The following EYS variants were observed in gnomAD, a reference collection of about 807,000 sequenced individuals.
EYS encodes the protein protein eyes shut homolog.
A neutral mutation model predicts 282.1 loss-of-function variants in EYS; 250 were observed. The ratio of observed to expected loss-of-function variants is 0.89; its 90% CI spans 0.80 to 0.98. The LOEUF is 0.98. Ranked by LOEUF, EYS falls within the 50% of genes least tolerant of loss-of-function variation. The pLI is 0.00. For missense variants in EYS, 4,016 were observed against 3,709.0 expected, an observed-to-expected ratio of 1.08 and a Z score of -2.15; for synonymous variants, 1,355 against 1,282.9, an observed-to-expected ratio of 1.06 and a Z score of -1.20.
chr6:65,330,424 G>C, intron 11 of EYS: 1 of 984,430 alleles, frequency 1.0e-6, no homozygotes, highest in Non-Finnish European at 1.2e-6. Context: ...TAACATCCCA[G>C]ACTTAGCAAA....
At chr6:64,024,621 C>T (rs932232559) in intron 33 of EYS, among the ~76,000 whole-genome samples, 1 of 152,084 alleles carries the variant, frequency 6.6e-6, no homozygotes, top group Non-Finnish European at 1.5e-5. Context: ...TGGGTCCACA[C>T]TGCCTTTATG....
chr6:64,424,578 C>T (rs6933509), intron 28 of EYS, among the ~76,000 whole-genome samples: 4,334 of 152,294 alleles, frequency 0.028, 193 homozygotes, highest in African/African-American at 0.099. Context: ...TTTAAGACAA[C>T]AGATGTGGCT....
chr6:64,754,479 G>A (rs1283010426), intron 22 of EYS, among the ~76,000 whole-genome samples: 2 of 151,950 alleles, frequency 1.3e-5, no homozygotes, highest in Non-Finnish European at 2.9e-5. Context: ...CCTCCTAACT[G>A]GTACTATGAA....
Position 64,066,390 on chromosome 6 carries a change from C to T in EYS, c.6673G>A (p.Val2225Ile). ...GCGNSQNILT[V>I]SANYSINTNA... ...GTGTTAATGCTGTAATTAGCAGAAA[C>T]AGTCAAAATATTTTGAGAATTTCCA... Residue 2225 changes from valine to isoleucine, a missense_variant, in exon 33 of 43, where the codon GTT (valine) becomes ATT (isoleucine). By Grantham distance (29) the Val-to-Ile change is conservative. Transcript: ENST00000503581. 1.9e-6 allele frequency: 3 copies of T among 1,551,448 alleles called. No homozygotes were observed. Among genetic ancestry groups the T allele is most frequent in the South Asian group, 1.2e-5 (1 of 84,014 alleles).
chr6:64,148,318 A>G (rs1774588996), intron 31 of EYS, among the ~76,000 whole-genome samples: 2 of 152,150 alleles, frequency 1.3e-5, no homozygotes, highest in South Asian at 4.1e-4. Context: ...TATATTAGAC[A>G]TTCTTGTTGA....
chr6:65,018,142 T>G (rs780745164), intron 13 of EYS, among the ~76,000 whole-genome samples: 12 of 152,214 alleles, frequency 7.9e-5, no homozygotes, highest in Admixed American at 3.9e-4. Flanking sequence ...TTCTCACAGA[T>G]GTGTAATATA....
chr6:64,167,354 T>G (rs1159417439), intron 31 of EYS, among the ~76,000 whole-genome samples: 2 of 152,240 alleles, frequency 1.3e-5, no homozygotes, highest in Non-Finnish European at 2.9e-5. Flanking sequence ...TGATGATGGA[T>G]TATTGATGTT....
At chr6:64,351,437 C>G (rs1444419341) in intron 29 of EYS, among the ~76,000 whole-genome samples, 1 of 149,610 alleles carries the variant, frequency 6.7e-6, no homozygotes, top group Non-Finnish European at 1.5e-5. Context: ...ATGCATCCAT[C>G]TATCTATCTA....
intron 33 of EYS, among the ~76,000 whole-genome samples, chr6:64,016,696 A>G (rs1298789755): frequency 1.3e-5 from 2 of 151,912 alleles, no homozygotes; most frequent in African/African-American, 4.8e-5. Flanking sequence ...GGCTGGCCTC[A>G]AACTACTGTG....
At chr6:65,053,779 A>G (rs1233865453) in intron 13 of EYS, among the ~76,000 whole-genome samples, 2 of 151,948 alleles carry the variant, frequency 1.3e-5, no homozygotes, top group Non-Finnish European at 2.9e-5. Flanking sequence ...AAACAGGTAA[A>G]GGCCTGGATA....
chr6:65,107,107 GA>G (rs201082705), intron 12 of EYS, among the ~76,000 whole-genome samples: 7 of 150,578 alleles, frequency 4.6e-5, no homozygotes, highest in South Asian at 2.1e-4. Flanking sequence ...GGATACAGGA[GA>G]AAAAAAAATG....
At chr6:64,516,515 C>G (rs1255811200) in intron 26 of EYS, among the ~76,000 whole-genome samples, 1 of 151,722 alleles carries the variant, frequency 6.6e-6, no homozygotes, top group Non-Finnish European at 1.5e-5. Context: ...AGCTGTCTAC[C>G]TACAAACAGA....
At chr6:65,156,243 T>C (rs1764725738) in intron 12 of EYS, among the ~76,000 whole-genome samples, 1 of 151,190 alleles carries the variant, frequency 6.6e-6, no homozygotes, top group Non-Finnish European at 1.5e-5. Flanking sequence ...CCAGCAACAA[T>C]TAAATCCTAA....
intron 8 of EYS, among the ~76,000 whole-genome samples, chr6:65,357,482 CAAGGGAA>C: frequency 6.6e-6 from 1 of 151,814 alleles, no homozygotes; most frequent in Admixed American, 6.6e-5. Flanking sequence ...TTCTAGAAGC[CAAGGGAA>C]AAGGGGAAAC....
intron 29 of EYS, among the ~76,000 whole-genome samples, chr6:64,363,251 T>C (rs1561951906): frequency 6.6e-6 from 1 of 151,980 alleles, no homozygotes; most frequent in Non-Finnish European, 1.5e-5. Context: ...TTTTGTAAGA[T>C]ATACATTTTT....
At chr6:64,922,324 A>G (rs577072529) in intron 15 of EYS, among the ~76,000 whole-genome samples, 1 of 152,352 alleles carries the variant, frequency 6.6e-6, no homozygotes, top group South Asian at 2.1e-4. Context: ...ACAAATACTA[A>G]GGTTTTGAAG....
At chr6:64,487,603 ATC>A (rs1776614852) in intron 26 of EYS, among the ~76,000 whole-genome samples, 1 of 151,018 alleles carries the variant, frequency 6.6e-6, no homozygotes, top group Non-Finnish European at 1.5e-5. Context: ...ATTAATCCTT[ATC>A]TTTTTTCATT....
intron 31 of EYS, among the ~76,000 whole-genome samples, chr6:64,226,081 G>A (rs1766245473): frequency 6.6e-6 from 1 of 152,098 alleles, no homozygotes; most frequent in South Asian, 2.1e-4. Context: ...ATAAATCTCT[G>A]TTGTAAGAAC....
rs554511626 is a variant in EYS, at chr6:64,718,240, G to A, written c.3444-91995C>T. On this transcript the variant is annotated intron_variant, in intron 22 of 42. Transcript: ENST00000503581. The stretch of plus-strand genomic sequence containing the variant: ...TAGGTAGGAATCCACAACAGTGCAA[G>A]CACAAACACCCCTCAAGTATCTACC... 7.9e-4 allele frequency among the ~76,000 whole-genome samples: 120 copies of A among 152,258 alleles called. 1 individual carries two copies. The highest frequency in any genetic ancestry group is 6.8e-3 in the Middle Eastern group (2 of 294).
Sources: allele counts gnomAD v4.1 joint callset (sites outside exome capture counted in the v4.1 genomes callset), GRCh38; gene constraint gnomAD v4.1.1; transcripts MANE v1.5; gene names NCBI Gene and HGNC (gene_info 2026-07-23, HGNC 2026-07-21).